The following PCDHGB2 variants were observed in gnomAD, a reference collection of about 807,000 sequenced individuals.
PCDHGB2 encodes the protein protocadherin gamma-B2.
In PCDHGB2, 55 loss-of-function variants were observed where a neutral mutation model predicts 59.3. The observed-to-expected ratio is 0.93, with a 90% CI of 0.75 to 1.16. The LOEUF (loss-of-function observed/expected upper bound fraction) is 1.16, where lower values mean the gene tolerates loss of function less well. PCDHGB2 is among the 50% of genes most tolerant of loss of function. The pLI, the probability that PCDHGB2 is intolerant of heterozygous loss-of-function variation, is 0.00. For synonymous variants in PCDHGB2, 516 were observed against 512.0 expected, an observed-to-expected ratio of 1.01 and a Z score of -0.11; for missense variants, 1,228 against 1,198.5, an observed-to-expected ratio of 1.02 and a Z score of -0.36.
chr5:141,458,385 C>T (rs1371423838), intron 1 of PCDHGB2, among the ~76,000 whole-genome samples: 15 of 152,104 alleles, frequency 9.9e-5, no homozygotes, highest in East Asian at 1.9e-4. Context: ...AGAAGGAAGA[C>T]GCTCCCCCTT....
chr5:141,380,503 A>G (rs1353992586), intron 1 of PCDHGB2, among the ~76,000 whole-genome samples: 1 of 152,196 alleles, frequency 6.6e-6, no homozygotes, highest in African/African-American at 2.4e-5. Context: ...ACAATAATAT[A>G]CACTCTTTAA....
intron 1 of PCDHGB2, among the ~76,000 whole-genome samples, chr5:141,464,417 A>C (rs2099083685): frequency 6.6e-6 from 1 of 151,564 alleles, no homozygotes; most frequent in African/African-American, 2.4e-5. Flanking sequence ...ATATATATCT[A>C]TATATATAGA....
Position 141,361,948 on chromosome 5 carries a change from T to A in PCDHGB2, c.1813T>A (p.Ser605Thr), listed in dbSNP as rs746757947. ...DADSGHNAWL[S>T]YHVLQASEPG... The stretch of plus-strand genomic sequence containing the variant: ...AGACTCAGGACACAACGCTTGGCTG[T>A]CCTACCACGTGCTGCAGGCCAGCGA... The change falls in exon 1 of 4, where the codon TCC (serine) becomes ACC (threonine). Residue 605 changes from serine (S) to threonine (T), a missense_variant. This residue lies in a region of PCDHGB2 where 433 missense variants were observed against 441.8 expected (regional missense o/e 0.98). Coordinates refer to ENST00000522605, the MANE Select transcript of PCDHGB2 (RefSeq NM_018923.3). The A allele has an allele frequency of 2.6e-5, 42 of 1,604,118 alleles. No homozygotes were observed. The highest frequency in any genetic ancestry group is 5.5e-5 in the South Asian group (5 of 90,876).
chr5:141,416,615 C>T (rs1156238298), intron 1 of PCDHGB2: 1 of 152,088 alleles, frequency 6.6e-6, no homozygotes, highest in Non-Finnish European at 1.5e-5. Context: ...AATGCCATTT[C>T]TGCAGATCAG....
chr5:141,392,629 T>C, intron 1 of PCDHGB2: 1 of 598,736 alleles, frequency 1.7e-6, no homozygotes, highest in East Asian at 3.0e-5. Flanking sequence ...AACACTCAGA[T>C]CTCACACCTC....
intron 1 of PCDHGB2, among the ~76,000 whole-genome samples, chr5:141,382,529 T>C (rs1778264328): frequency 6.6e-6 from 1 of 152,222 alleles, no homozygotes; most frequent in South Asian, 2.1e-4. Flanking sequence ...TGTCTTAAAA[T>C]GGATTTTTAA....
In PCDHGB2 at chr5:141,362,349, G is replaced by A. The variant is rs765171901; in HGVS notation, c.2214G>A (p.Gly738=). 2 of 1,613,918 alleles carry A rather than the reference G, an allele frequency of 1.2e-6. No homozygotes were observed. The highest frequency in any genetic ancestry group is 1.7e-5 in the Admixed American group (1 of 60,008). The change falls in exon 1 of 4, where the codon GGG becomes GGA. Residue 738 remains glycine, a synonymous_variant. Transcript: ENST00000522605. ...GTCTCAGCTCCAAGCCTGGACCTGG[G>A]GTTCTCCCCAATTACAGTGAGGGTA... ...QPGLSSKPGP[G]VLPNYSEGTL...
At chr5:141,392,782 A>G (rs1375306296) in intron 1 of PCDHGB2, 1 of 1,540,122 alleles carries the variant, frequency 6.5e-7, no homozygotes, top group Non-Finnish European at 8.7e-7. Context: ...TGCACAGTGA[A>G]GATTCTGAGA....
chr5:141,440,503 G>A (rs979260104), intron 1 of PCDHGB2: 10 of 152,154 alleles, frequency 6.6e-5, no homozygotes, highest in Non-Finnish European at 1.0e-4. Flanking sequence ...ACATTAATAT[G>A]GAGATTCAGG....
chr5:141,404,517 A>C (rs1268035794), intron 1 of PCDHGB2: 1 of 1,613,938 alleles, frequency 6.2e-7, no homozygotes, highest in South Asian at 1.1e-5. Flanking sequence ...TCCTTTGACT[A>C]TGAGCAGTTT....
chr5:141,383,849 T>C (rs757932608), intron 1 of PCDHGB2: 9 of 1,613,952 alleles, frequency 5.6e-6, no homozygotes, highest in South Asian at 4.4e-5. Flanking sequence ...TTCTATGAAA[T>C]GGAGGTTCAG....
intron 1 of PCDHGB2, chr5:141,442,416 T>A (rs2098323395): frequency 6.6e-6 from 1 of 152,206 alleles, no homozygotes; most frequent in Non-Finnish European, 1.5e-5. Flanking sequence ...CTGAGTGAAC[T>A]TCTTTTTTGA....
intron 1 of PCDHGB2, among the ~76,000 whole-genome samples, chr5:141,449,549 A>G (rs1431239786): frequency 6.8e-6 from 1 of 147,830 alleles, no homozygotes; most frequent in East Asian, 2.0e-4. Context: ...AGATCGCACC[A>G]CTGCACTCCA....
At chr5:141,460,842 C>T (rs1339558359) in intron 1 of PCDHGB2, among the ~76,000 whole-genome samples, 2 of 150,412 alleles carry the variant, frequency 1.3e-5, no homozygotes, top group African/African-American at 2.4e-5. Flanking sequence ...GTAATGGCCT[C>T]CAGTTCGATC....
In PCDHGB2 at chr5:141,472,878, C is replaced by T. The variant is rs774209715; in HGVS notation, c.2422-21929C>T. ...GCACATGCCTGTATTCCCAGCTACT[C>T]GGGAGGCTGAGGCAGGAGAATTGCT... On this transcript the variant is annotated intron_variant, in intron 1 of 3. Transcript: ENST00000522605. 6.8e-5 allele frequency among the ~76,000 whole-genome samples: 10 copies of T among 146,132 alleles called. 1 individual carries two copies. The highest frequency in any genetic ancestry group is 4.2e-4 in the East Asian group (2 of 4,758).
At chr5:141,408,097 C>T (rs2095040197) in intron 1 of PCDHGB2, 5 of 1,434,516 alleles carry the variant, frequency 3.5e-6, no homozygotes, top group Non-Finnish European at 3.7e-6. Context: ...TTGCCAGCTC[C>T]GAGACCCGGG....
chr5:141,389,001 G>T (rs1313177903), intron 1 of PCDHGB2: 1 of 1,614,018 alleles, frequency 6.2e-7, no homozygotes, highest in Non-Finnish European at 8.5e-7. Context: ...CCGTGACAAG[G>T]ATTCCAGACA....
intron 1 of PCDHGB2, chr5:141,404,432 GATACC>G: frequency 6.2e-7 from 1 of 1,613,380 alleles, no homozygotes; most frequent in African/African-American, 1.3e-5. Context: ...CTTGGCAGAG[GATACC>G]ATCCAAGGGT....
rs1761961385 is a variant in PCDHGB2 at position 141,361,292 on chromosome 5, T to C, written c.1157T>C (p.Val386Ala). The change falls in exon 1 of 4, where the codon GTG becomes GCG. Residue 386 changes from valine to alanine, a missense_variant. Around this residue, in one of 3 missense-constraint regions of PCDHGB2, gnomAD observed 781 missense variants for 721.6 expected, o/e 1.08. Transcript: ENST00000522605. Reference sequence around the variant, plus strand: ...GAAAATGGAGAAGTTTACTGCCAAGTGTTGGGAAATGCCAAGTTTATTTTG... The same window carrying C: ...GAAAATGGAGAAGTTTACTGCCAAGCGTTGGGAAATGCCAAGTTTATTTTG... ...SGENGEVYCQ[V>A]LGNAKFILKS... 6.2e-7 allele frequency: 1 copy of C among 1,613,976 alleles called. No homozygotes were observed. Among genetic ancestry groups the C allele is most frequent in the Non-Finnish European group, 8.5e-7 (1 of 1,179,874 alleles).
Sources: allele counts gnomAD v4.1 joint callset (sites outside exome capture counted in the v4.1 genomes callset), GRCh38; gene constraint gnomAD v4.1.1; regional missense constraint gnomAD v4.1.1; transcripts MANE v1.5; gene names NCBI Gene and HGNC (gene_info 2026-07-23, HGNC 2026-07-21).